PSD3: variants seen among roughly 807,000 people sequenced by gnomAD.
PSD3 encodes the protein PH and SEC7 domain-containing protein 3.
In PSD3, 49 loss-of-function variants were observed where a neutral mutation model predicts 105.5. That is an observed-to-expected ratio of 0.46 (90% CI 0.37 to 0.59). PSD3 has a LOEUF of 0.59. PSD3 is among the 20% of genes least tolerant of loss of function. The pLI, the probability that PSD3 is intolerant of heterozygous loss-of-function variation, is 0.00. For missense variants in PSD3, 1,561 were observed against 1,263.8 expected (o/e 1.24, Z -3.57); for synonymous variants, 557 against 457.8 (o/e 1.22, Z -2.77).
At chr8:18,841,884 T>C (rs1188654013) in intron 4 of PSD3, among the ~76,000 whole-genome samples, 1 of 151,962 alleles carries the variant, frequency 6.6e-6, no homozygotes, top group South Asian at 2.1e-4. Context: ...TTAAAGACTT[T>C]AAAAAAAACT....
At chr8:18,718,344 G>A (rs1802733223) in intron 9 of PSD3, among the ~76,000 whole-genome samples, 1 of 152,126 alleles carries the variant, frequency 6.6e-6, no homozygotes. Context: ...TTTCCCCATA[G>A]GGAATTATAA....
chr8:18,715,730 T>G (rs1258241346), intron 9 of PSD3, among the ~76,000 whole-genome samples: 1 of 152,204 alleles, frequency 6.6e-6, no homozygotes, highest in Non-Finnish European at 1.5e-5. Context: ...CAAACACCAC[T>G]TACTAATAAT....
chr8:18,955,480 T>C (rs1823510596), intron 1 of PSD3, among the ~76,000 whole-genome samples: 1 of 152,240 alleles, frequency 6.6e-6, no homozygotes, highest in South Asian at 2.1e-4. Flanking sequence ...TTCTTGGCTA[T>C]ATAAAAGTTT....
At chr8:18,615,400 C>A (rs370435689) in intron 11 of PSD3, among the ~76,000 whole-genome samples, 1 of 152,212 alleles carries the variant, frequency 6.6e-6, no homozygotes, top group Non-Finnish European at 1.5e-5. Flanking sequence ...CCACGGGCAT[C>A]AGGGATAAGA....
chr8:18,990,916 G>A (rs1825756188), intron 1 of PSD3, among the ~76,000 whole-genome samples: 1 of 152,106 alleles, frequency 6.6e-6, no homozygotes, highest in Non-Finnish European at 1.5e-5. Context: ...AGTGGGGGAA[G>A]CAAAATCCTG....
At chr8:18,819,876 C>T (rs951751048) in intron 4 of PSD3, among the ~76,000 whole-genome samples, 24 of 152,206 alleles carry the variant, frequency 1.6e-4, no homozygotes, top group Non-Finnish European at 2.8e-4. Flanking sequence ...CGCACCCAGC[C>T]AGAATGGTTT....
At chr8:18,558,638 T>C (rs539949884) in intron 14 of PSD3, among the ~76,000 whole-genome samples, 11 of 152,152 alleles carry the variant, frequency 7.2e-5, no homozygotes, top group African/African-American at 2.2e-4. Context: ...CTGACTAACA[T>C]GGTGAAACCC....
chr8:18,799,736 A>T (rs533495326), intron 7 of PSD3, among the ~76,000 whole-genome samples: 27 of 152,180 alleles, frequency 1.8e-4, no homozygotes, highest in Non-Finnish European at 3.2e-4. Context: ...AGTAAATATG[A>T]GCCTCCAAAG....
chr8:19,027,505 A>C (rs1456101487), intron 1 of PSD3, among the ~76,000 whole-genome samples: 2 of 152,194 alleles, frequency 1.3e-5, no homozygotes, highest in African/African-American at 4.8e-5. Flanking sequence ...GAGAGTTGAC[A>C]AATGTATAGA....
At chr8:18,620,903 T>G (rs796888106) in intron 11 of PSD3, among the ~76,000 whole-genome samples, 10 of 152,360 alleles carry the variant, frequency 6.6e-5, no homozygotes, top group African/African-American at 2.4e-4. Context: ...ACAACAGGGA[T>G]GGAAGAATTA....
chr8:18,566,569 C>T (rs2130267412), intron 14 of PSD3, among the ~76,000 whole-genome samples: 1 of 151,386 alleles, frequency 6.6e-6, no homozygotes, highest in East Asian at 1.9e-4. Context: ...CATTCTAGAA[C>T]CATCTCATTT....
At chr8:18,596,930 C>CA (rs1804146334) in intron 12 of PSD3, among the ~76,000 whole-genome samples, 1 of 152,076 alleles carries the variant, frequency 6.6e-6, no homozygotes, top group South Asian at 2.1e-4. Context: ...CAAACTGTTC[C>CA]AAAAAATTGA....
At chr8:18,735,664 T>C (rs1001978924) in intron 9 of PSD3, among the ~76,000 whole-genome samples, 1 of 152,144 alleles carries the variant, frequency 6.6e-6, no homozygotes, top group Non-Finnish European at 1.5e-5. Flanking sequence ...AGCTTCAGTT[T>C]TCAGAATGAA....
intron 9 of PSD3, chr8:18,684,014 C>T (rs966919688): frequency 1.4e-6 from 1 of 697,658 alleles, no homozygotes; most frequent in Admixed American, 1.9e-5. Context: ...GCTGGAGGAA[C>T]TCTGCGGGGT....
intron 1 of PSD3, among the ~76,000 whole-genome samples, chr8:18,963,616 G>C (rs1390632328): frequency 1.3e-5 from 2 of 152,144 alleles, no homozygotes; most frequent in Admixed American, 1.3e-4. Flanking sequence ...CCTTACATTT[G>C]TCTTGCACAA....
chr8:18,545,900 G>T (rs545546613), intron 15 of PSD3, among the ~76,000 whole-genome samples: 1 of 152,302 alleles, frequency 6.6e-6, no homozygotes, highest in African/African-American at 2.4e-5. Flanking sequence ...GTGATTTGAG[G>T]AGCAGCTGAA....
Position 18,767,800 on chromosome 8 carries a change from T to C in PSD3, c.2083-2262A>G, listed in dbSNP as rs1807145952. Among the ~76,000 whole-genome samples the C allele has an allele frequency of 2.0e-5, 3 of 151,794 alleles. No individual in the cohort carries two copies. The South Asian group carries it at 6.2e-4, about 32-fold the overall frequency. On this transcript the variant is annotated intron_variant, in intron 8 of 15. Coordinates refer to ENST00000327040, the MANE Select transcript of PSD3 (RefSeq NM_015310.4). ...AAAACCAACCAACCAAATAAATAAA[T>C]ATACCTGCATACACTACTACTATGC...
chr8:18,714,714 C>G (rs1458665070), intron 9 of PSD3, among the ~76,000 whole-genome samples: 1 of 152,192 alleles, frequency 6.6e-6, no homozygotes, highest in Non-Finnish European at 1.5e-5. Context: ...TTGTAGAAGA[C>G]AGTGTGGCAA....
At chr8:18,977,694 A>G (rs551032764) in intron 1 of PSD3, among the ~76,000 whole-genome samples, 111 of 152,350 alleles carry the variant, frequency 7.3e-4, no homozygotes, top group Non-Finnish European at 1.5e-3. Flanking sequence ...TTATTAAAAT[A>G]TATTTAATGT....
Sources: gnomAD v4.1 joint callset for allele counts (sites outside exome capture counted in the v4.1 genomes callset) on GRCh38, gnomAD v4.1.1 for gene constraint, MANE v1.5 for transcripts, NCBI Gene and HGNC (gene_info 2026-07-23, HGNC 2026-07-21) for gene names.